Variants in CSE1L observed in about 807,000 individuals in gnomAD.
The protein encoded by CSE1L is chromosome segregation 1 like.
A neutral mutation model predicts 120.4 loss-of-function variants in CSE1L; 24 were observed. The observed-to-expected ratio is 0.20, with a 90% CI of 0.14 to 0.28. The LOEUF is 0.28. Among genes scored for constraint, CSE1L ranks in the 10% least tolerant of loss-of-function variants. CSE1L has a pLI of 1.00. For missense variants in CSE1L, 830 were observed against 1,145.2 expected, an observed-to-expected ratio of 0.72 and a Z score of 3.97; for synonymous variants, 402 against 398.3, an observed-to-expected ratio of 1.01 and a Z score of -0.11.
chr20:49,089,187 G>C, intron 17 of CSE1L, 60 bp from the exon 18 acceptor site: 2 of 1,350,602 alleles, frequency 1.5e-6, no homozygotes, highest in Non-Finnish European at 2.0e-6. Flanking sequence ...TTTTAAATGT[G>C]TTTTATAAAG....
intron 18 of CSE1L, 67 bp downstream of exon 18, chr20:49,089,464 C>A: frequency 6.2e-7 from 1 of 1,605,714 alleles, no homozygotes; most frequent in Non-Finnish European, 8.5e-7. Context: ...ATGCAGCCCA[C>A]CTAAGCGATG....
chr20:49,086,620 C>T, intron 16 of CSE1L, among the ~76,000 whole-genome samples: 1 of 152,118 alleles, frequency 6.6e-6, no homozygotes, highest in Admixed American at 6.5e-5. Flanking sequence ...CCGCCTCAGC[C>T]TCCCAAAGTG....
In CSE1L at chr20:49,089,612, A is replaced by G. The variant is rs1341082618; in HGVS notation, c.2047A>G (p.Met683Val). 6.2e-7 allele frequency: 1 copy of G among 1,614,132 alleles called. No homozygotes were observed. The highest frequency in any genetic ancestry group is 8.5e-7 in the Non-Finnish European group (1 of 1,179,990). ...THKNDIPSSY[M>V]ALFPHLLQPV... ...CAAAAATGACATCCCGTCTTCCTATATGGCCTTATTTCCTCATCTCCTTCA... is the reference window on the plus strand; with the variant it reads ...CAAAAATGACATCCCGTCTTCCTATGTGGCCTTATTTCCTCATCTCCTTCA... The change falls in exon 19 of 25, where the codon ATG (methionine) becomes GTG (valine). Residue 683 changes from methionine to valine, a missense_variant. By Grantham distance (21) the Met-to-Val change is conservative. Around this residue, in one of 4 missense-constraint regions of CSE1L, gnomAD observed 168 missense variants for 267.9 expected, o/e 0.63. Transcript: ENST00000262982.
intron 13 of CSE1L, among the ~76,000 whole-genome samples, chr20:49,077,437 G>C (rs1007163020): frequency 6.6e-6 from 1 of 152,130 alleles, no homozygotes; most frequent in African/African-American, 2.4e-5. Context: ...TGGGATTGCA[G>C]GCGTGAGCCT....
intron 13 of CSE1L, among the ~76,000 whole-genome samples, chr20:49,078,168 A>T (rs1236014799): frequency 6.6e-6 from 1 of 152,184 alleles, no homozygotes; most frequent in Non-Finnish European, 1.5e-5. Flanking sequence ...TAGCTTCAAG[A>T]ATTATTAACA....
chr20:49,085,391 G>A lies in CSE1L; in HGVS notation c.1723+5G>A. The A allele has an allele frequency of 6.2e-7, 1 of 1,607,122 alleles. No individual in the cohort carries two copies. On this transcript the variant is annotated splice_donor_5th_base_variant and intron_variant, in intron 16 of 24. Coordinates refer to ENST00000262982, the MANE Select transcript of CSE1L (RefSeq NM_001316.4). ...AAAATGAATATATTATGAAAGGTAG[G>A]CTGTTTCCCTGGTGTGCAGACTACA... is the stretch of plus-strand genomic sequence containing the variant.
chr20:49,068,699 T>TA lies in CSE1L; in HGVS notation c.568-13dup. 1 of 1,578,504 alleles carries TA rather than the reference T, an allele frequency of 6.3e-7. No homozygotes were observed. Among genetic ancestry groups the TA allele is most frequent in the Non-Finnish European group, 8.7e-7 (1 of 1,147,780 alleles). ...TTATGATGCACTAAAACCATGTTGC[T>TA]AAATTCCTTTCCAAGGCCACTATTG... On this transcript the variant is annotated splice_polypyrimidine_tract_variant and intron_variant, in intron 6 of 24. Transcript: ENST00000262982.
intron 1 of CSE1L, among the ~76,000 whole-genome samples, chr20:49,053,347 CTTTTTTTTTTTTTT>C (rs11419181): frequency 3.1e-5 from 2 of 63,750 alleles, no homozygotes; most frequent in East Asian, 1.2e-3. Context: ...AGCAAACTAA[CTTTTTTTTTTTTTT>C]TTTTTTTTTT....
At chr20:49,056,847 C>CTGTG (rs3223230) in intron 1 of CSE1L, among the ~76,000 whole-genome samples, 3,492 of 149,044 alleles carry the variant, frequency 0.023, 33 homozygotes, top group South Asian at 0.04. Context: ...ACTTCACATG[C>CTGTG]TGTGTGTGTG....
rs770936485 is a variant in CSE1L, at chr20:49,075,333, G to A, written c.1148G>A (p.Arg383His). Residue 383 changes from arginine (R) to histidine (H), a missense_variant, in exon 12 of 25, where the codon CGC becomes CAC. This residue lies in a region of CSE1L where 543 missense variants were observed against 640.2 expected (regional missense o/e 0.85). Coordinates refer to ENST00000262982, the MANE Select transcript of CSE1L (RefSeq NM_001316.4). ...DLEGSDIDTRRRAACDLVRGL... is the reference protein window; with the variant it reads ...DLEGSDIDTRHRAACDLVRGL... The stretch of plus-strand genomic sequence containing the variant: ...CATTTCATAGATATTGATACTAGAC[G>A]CAGGGCTGCTTGTGATCTGGTACGA... The A allele has an allele frequency of 1.2e-6, 2 of 1,613,086 alleles. No individual in the cohort carries two copies. The highest frequency in any genetic ancestry group is 1.7e-6 in the Non-Finnish European group (2 of 1,179,518).
At chr20:49,047,962 C>A (rs1303830930) in intron 1 of CSE1L, among the ~76,000 whole-genome samples, 2 of 152,096 alleles carry the variant, frequency 1.3e-5, no homozygotes, top group Non-Finnish European at 2.9e-5. Context: ...GTCTGTCTTG[C>A]TTACTTCTCT....
chr20:49,090,062 C>T (rs2092089142), intron 19 of CSE1L, among the ~76,000 whole-genome samples: 1 of 151,962 alleles, frequency 6.6e-6, no homozygotes, highest in Admixed American at 6.6e-5. Flanking sequence ...GAGTTTAAGG[C>T]TGCAGTGAGC....
At chr20:49,077,489 A>G (rs1399502224) in intron 13 of CSE1L, among the ~76,000 whole-genome samples, 1 of 152,068 alleles carries the variant, frequency 6.6e-6, no homozygotes, top group Non-Finnish European at 1.5e-5. Flanking sequence ...TAAAATCTCA[A>G]ATGGTTTCCC....
intron 1 of CSE1L, among the ~76,000 whole-genome samples, chr20:49,047,527 C>T (rs1428805293): frequency 3.7e-5 from 5 of 134,434 alleles, no homozygotes; most frequent in Non-Finnish European, 8.1e-5. Flanking sequence ...TAACCAACCT[C>T]TTCTTTTGTT....
At chr20:49,068,881 CT>C in intron 7 of CSE1L, 59 bp downstream of exon 7, 1 of 1,215,132 alleles carries the variant, frequency 8.2e-7, no homozygotes, top group Non-Finnish European at 1.2e-6. Context: ...ATAGAGTTTT[CT>C]TTCTGTTTGA....
In CSE1L at chr20:49,084,426, A is replaced by C. The variant is rs181535291; in HGVS notation, c.1619+264A>C. The stretch of plus-strand genomic sequence containing the variant: ...AAATGTGTGTCAAAGGATCCTATAT[A>C]GTAGTCCAAGAAACTCCAAATTTTA... On this transcript the variant is annotated intron_variant, in intron 15 of 24. Coordinates refer to ENST00000262982, the MANE Select transcript of CSE1L (RefSeq NM_001316.4). Among the ~76,000 whole-genome samples the C allele has an allele frequency of 4.6e-5, 7 of 152,324 alleles. No individual in the cohort carries two copies. The South Asian group carries it at 8.3e-4, about 18-fold the overall frequency.
chr20:49,063,118 A>AT lies in CSE1L; in HGVS notation c.86-75dup, dbSNP rs10714453. On this transcript the variant is annotated intron_variant, in intron 2 of 24. Transcript: ENST00000262982. ...TAACCTAATCTTTTCTCTTTTTTTG[A>AT]TTTTTTTTTATATATATATATTTGA... The AT allele has an allele frequency of 4.9e-4, 353 of 714,018 alleles. 1 individual carries two copies. Among genetic ancestry groups the AT allele is most frequent in the Middle Eastern group, 2.0e-3 (4 of 1,970 alleles). 44.2% of individuals were successfully genotyped at this position (714,018 alleles called of 1,614,324 possible).
chr20:49,091,329 G>A (rs2090567218), intron 21 of CSE1L, among the ~76,000 whole-genome samples: 1 of 151,826 alleles, frequency 6.6e-6, no homozygotes, highest in African/African-American at 2.4e-5. Context: ...GGAGGCTGAA[G>A]TAGGAGCATC....
intron 1 of CSE1L, among the ~76,000 whole-genome samples, chr20:49,052,937 A>G (rs527762904): frequency 6.6e-6 from 1 of 152,302 alleles, no homozygotes; most frequent in East Asian, 1.9e-4. Flanking sequence ...AAGGAGTTTT[A>G]GTTGAGAAAT....
Sources: allele counts gnomAD v4.1 joint callset (sites outside exome capture counted in the v4.1 genomes callset), GRCh38; gene constraint gnomAD v4.1.1; regional missense constraint gnomAD v4.1.1; transcripts MANE v1.5; gene names NCBI Gene and HGNC (gene_info 2026-07-23, HGNC 2026-07-21).